The following USH2A variants were observed in gnomAD, a reference collection of about 807,000 sequenced individuals.
The protein encoded by USH2A is usherin, also known as Usher syndrome 2A (autosomal recessive, mild).
A neutral mutation model predicts 538.9 loss-of-function variants in USH2A; 443 were observed. The ratio of observed to expected loss-of-function variants is 0.82; its 90% CI spans 0.76 to 0.89. The LOEUF is 0.89. Ranked by LOEUF, USH2A falls within the 40% of genes least tolerant of loss-of-function variation. The pLI is 0.00. For missense variants in USH2A, 6,633 were observed against 6,324.8 expected, an observed-to-expected ratio of 1.05 and a Z score of -1.65; for synonymous variants, 2,413 against 2,273.5, an observed-to-expected ratio of 1.06 and a Z score of -1.75.
At chr1:216,066,398 G>A (rs1162497667) in intron 30 of USH2A, among the ~76,000 whole-genome samples, 12 of 151,836 alleles carry the variant, frequency 7.9e-5, no homozygotes, top group Middle Eastern at 3.4e-3. Flanking sequence ...CCTGGGAGGC[G>A]GAGCTTGCAG....
At chr1:215,704,603 C>A (rs181552575) in intron 61 of USH2A, among the ~76,000 whole-genome samples, 1 of 152,186 alleles carries the variant, frequency 6.6e-6, no homozygotes, top group Non-Finnish European at 1.5e-5. Context: ...TCTCTTTGGG[C>A]ACATCCTTAG....
At chr1:216,293,111 G>A (rs890405812) in intron 9 of USH2A, among the ~76,000 whole-genome samples, 6 of 144,238 alleles carry the variant, frequency 4.2e-5, no homozygotes, top group Admixed American at 3.6e-4. Context: ...TGCAAGCTCC[G>A]CCTCACGGGT....
rs568662793 is a variant in USH2A, at chr1:215,939,407, A to G, written c.7121-4612T>C. 2.6e-5 allele frequency among the ~76,000 whole-genome samples: 4 copies of G among 152,304 alleles called. No homozygotes were observed. The South Asian group carries it at 8.3e-4, about 32-fold the overall frequency. On this transcript the variant is annotated intron_variant, in intron 37 of 71. Transcript: ENST00000307340. ...TCAAAGAAAAGTGTTACATGAAAAA[A>G]TAGACCAAATAAATCTCATATGAAC...
At chr1:216,142,859 A>C (rs2033626898) in intron 21 of USH2A, among the ~76,000 whole-genome samples, 1 of 152,046 alleles carries the variant, frequency 6.6e-6, no homozygotes, top group Admixed American at 6.5e-5. Flanking sequence ...TACCTAACTT[A>C]ATCTAATAAT....
Position 216,228,450 on chromosome 1 carries a change from C to T in USH2A, c.2993+3503G>A, listed in dbSNP as rs115030649. 6.6e-3 allele frequency among the ~76,000 whole-genome samples: 1,004 copies of T among 152,194 alleles called. 8 individuals carry two copies. Among genetic ancestry groups the T allele is most frequent in the Non-Finnish European group, 9.4e-3 (642 of 67,998 alleles). On this transcript the variant is annotated intron_variant, in intron 14 of 71. Coordinates refer to ENST00000307340, the MANE Select transcript of USH2A (RefSeq NM_206933.4). ...TCTTGAATTGTAACTCCCACAATTC[C>T]CATGTGTTGTGGGAGTAACACAGTG... is the stretch of plus-strand genomic sequence containing the variant.
rs767262784 is a variant in USH2A at position 216,251,024 on chromosome 1, A to C, written c.2046T>G (p.Asn682Lys). 47 of 1,614,056 alleles carry C rather than the reference A, an allele frequency of 2.9e-5. No homozygotes were observed. The highest frequency in any genetic ancestry group is 4.0e-5 in the Non-Finnish European group (47 of 1,179,992). The part of the protein sequence containing the change: ...QCNQCQNGFY[N>K]LQELDPDGCS... Reference sequence around the variant, plus strand: ...AGCCATCAGGATCCAACTCTTGTAGATTGTAGAATCCATTCTGGCACTGAT... The same window carrying C: ...AGCCATCAGGATCCAACTCTTGTAGCTTGTAGAATCCATTCTGGCACTGAT... Residue 682 changes from asparagine to lysine, a missense_variant, in exon 12 of 72, where the codon AAT becomes AAG. Transcript: ENST00000307340.
intron 30 of USH2A, among the ~76,000 whole-genome samples, chr1:216,064,652 T>C (rs928758660): frequency 6.6e-6 from 1 of 152,200 alleles, no homozygotes; most frequent in African/African-American, 2.4e-5. Flanking sequence ...AAGATTACCA[T>C]GCAGTGTTTT....
At chr1:216,361,654 T>C (rs1187166272) in intron 4 of USH2A, among the ~76,000 whole-genome samples, 1 of 152,176 alleles carries the variant, frequency 6.6e-6, no homozygotes, top group Non-Finnish European at 1.5e-5. Context: ...GTATCACTAA[T>C]GATCAGGAAA....
rs577761133 is a variant in USH2A at position 215,736,275 on chromosome 1, T to C, written c.11711+5100A>G. 5.3e-5 allele frequency among the ~76,000 whole-genome samples: 8 copies of C among 152,264 alleles called. No individual in the cohort carries two copies. In the East Asian group the frequency reaches 1.3e-3, roughly 26 times the overall value. On this transcript the variant is annotated intron_variant, in intron 60 of 71. Coordinates refer to ENST00000307340, the MANE Select transcript of USH2A (RefSeq NM_206933.4). ...CAGATAAACCTGACCATTCCTTGAA[T>C]CCTATGCTTATGTGTTGGAAATTTT...
chr1:215,837,038 G>A (rs757155090), intron 47 of USH2A, among the ~76,000 whole-genome samples: 6 of 152,046 alleles, frequency 3.9e-5, no homozygotes, highest in Non-Finnish European at 8.8e-5. Context: ...TCTATCATGT[G>A]TTTGATAGAA....
At position 215,670,905 on chromosome 1, in the gene USH2A, T is replaced by C. The variant is rs1314488198; in HGVS notation, c.14133+67A>G. The C allele has an allele frequency of 4.0e-6, 6 of 1,515,928 alleles. No homozygotes were observed. The African/African-American group carries it at 6.9e-5, about 17-fold the overall frequency. 93.9% of individuals were successfully genotyped at this position (1,515,928 alleles called of 1,614,324 possible). ...AAGTGCCTTTTCAAATTGTGCACCA[T>C]TTTTACAGGCAGGTGCTGACGGGTG... On this transcript the variant is annotated intron_variant, in intron 64 of 71. Coordinates refer to ENST00000307340, the MANE Select transcript of USH2A (RefSeq NM_206933.4).
intron 2 of USH2A, among the ~76,000 whole-genome samples, chr1:216,419,590 C>T (rs1362792696): frequency 6.6e-6 from 1 of 152,078 alleles, no homozygotes; most frequent in South Asian, 2.1e-4. Flanking sequence ...ACTTAACACA[C>T]TGTGCTGCCT....
intron 14 of USH2A, among the ~76,000 whole-genome samples, chr1:216,220,704 A>G (rs1558325529): frequency 6.6e-6 from 1 of 152,178 alleles, no homozygotes; most frequent in East Asian, 1.9e-4. Flanking sequence ...TGGAAAGGTG[A>G]GCAGAAGTAA....
At position 216,336,488 on chromosome 1, in the gene USH2A, A is replaced by AACTT. The variant is rs144098790; in HGVS notation, c.785-8835_785-8834insAAGT. 4.7e-3 allele frequency among the ~76,000 whole-genome samples: 719 copies of AACTT among 151,432 alleles called. 4 individuals are homozygous for AACTT. Among genetic ancestry groups the AACTT allele is most frequent in the African/African-American group, 0.017 (688 of 41,466 alleles). On this transcript the variant is annotated intron_variant, in intron 4 of 71. Coordinates refer to ENST00000307340, the MANE Select transcript of USH2A (RefSeq NM_206933.4). Reference sequence around the variant, plus strand: ...TCTCTTGTACATAGAAAACTCTAAGAAATCTACTAAAATCTATTAGGAATT... The same window carrying AACTT: ...TCTCTTGTACATAGAAAACTCTAAGAACTTAATCTACTAAAATCTATTAGGAATT...
intron 36 of USH2A, 104 bp from the exon 37 acceptor site, chr1:215,965,583 A>G (rs1298419138): frequency 1.5e-6 from 2 of 1,355,806 alleles, no homozygotes; most frequent in Non-Finnish European, 2.0e-6. Flanking sequence ...GAAGTAAACT[A>G]TTTTGACAGT....
intron 11 of USH2A, among the ~76,000 whole-genome samples, chr1:216,263,670 G>A (rs536421867): frequency 3.9e-5 from 6 of 152,126 alleles, no homozygotes; most frequent in Non-Finnish European, 7.4e-5. Context: ...CTTATTAAAC[G>A]GAGAAAAGGT....
intron 14 of USH2A, among the ~76,000 whole-genome samples, chr1:216,222,315 A>G (rs1318061163): frequency 6.6e-6 from 1 of 152,208 alleles, no homozygotes; most frequent in Non-Finnish European, 1.5e-5. Flanking sequence ...CACAGAAAAT[A>G]TGTAAAGAAT....
At chr1:216,038,472 C>T (rs575124076) in intron 32 of USH2A, among the ~76,000 whole-genome samples, 1 of 143,540 alleles carries the variant, frequency 7.0e-6, no homozygotes, top group African/African-American at 2.7e-5. Flanking sequence ...ATGCATTTTC[C>T]ATAAGCTTTT....
chr1:215,696,453 G>A (rs1160555785), intron 61 of USH2A, among the ~76,000 whole-genome samples: 1 of 152,064 alleles, frequency 6.6e-6, no homozygotes, highest in East Asian at 1.9e-4. Context: ...GTCACTCAGG[G>A]GCTGCATGGC....
Sources: allele counts gnomAD v4.1 joint callset (sites outside exome capture counted in the v4.1 genomes callset), GRCh38; gene constraint gnomAD v4.1.1; transcripts MANE v1.5; gene names NCBI Gene and HGNC (gene_info 2026-07-23, HGNC 2026-07-21).